The following CDH12 variants were observed in gnomAD, a reference collection of about 807,000 sequenced individuals.
CDH12 encodes the protein cadherin 12, also known as cadherin-12.
Under a neutral mutation model 74.1 loss-of-function variants are expected in CDH12, and 41 were observed. The observed-to-expected ratio is 0.55, with a 90% CI of 0.43 to 0.72. The LOEUF is 0.72. Among genes scored for constraint, CDH12 ranks in the 30% least tolerant of loss-of-function variants. CDH12 has a pLI of 0.00. For missense variants in CDH12, 945 were observed against 977.2 expected (o/e 0.97, Z 0.44); for synonymous variants, 399 against 355.0 (o/e 1.12, Z -1.39).
chr5:21,886,191 T>C (rs2150038864), intron 6 of CDH12, among the ~76,000 whole-genome samples: 1 of 152,164 alleles, frequency 6.6e-6, no homozygotes, highest in Admixed American at 6.5e-5. Context: ...TCTTACTTCT[T>C]TTGTTCTGAT....
chr5:22,565,705 T>A (rs1739251550), intron 1 of CDH12, among the ~76,000 whole-genome samples: 1 of 152,042 alleles, frequency 6.6e-6, no homozygotes, highest in Non-Finnish European at 1.5e-5. Context: ...ATTCAGTGCC[T>A]CAGAGACAGT....
intron 6 of CDH12, among the ~76,000 whole-genome samples, chr5:21,965,148 T>C (rs1284799174): frequency 1.3e-5 from 2 of 152,000 alleles, no homozygotes; most frequent in African/African-American, 2.4e-5. Context: ...CTTTCAGAAA[T>C]AGTAATTATA....
At chr5:21,956,343 T>G (rs1370994603) in intron 6 of CDH12, among the ~76,000 whole-genome samples, 4 of 152,122 alleles carry the variant, frequency 2.6e-5, no homozygotes, top group African/African-American at 9.6e-5. Context: ...TTAAAATTAA[T>G]AAACTGGAAA....
At position 22,116,862 on chromosome 5, in the gene CDH12, C is replaced by G. The variant is rs1399250771; in HGVS notation, c.-186-38000G>C. Among the ~76,000 whole-genome samples the G allele has an allele frequency of 2.5e-4, 25 of 98,642 alleles. No homozygotes were observed. The Admixed American group carries it at 2.9e-3, about 11-fold the overall frequency. The allele number at this position is 98,642 out of a possible 152,430, so 64.7% of individuals were successfully genotyped here. ...CAGCTAGGCTGGAGCATCTGCAAGT[C>G]TCTTTTTTTTTTTTTTTTTTTTTTT... On this transcript the variant is annotated intron_variant, in intron 4 of 14. Transcript: ENST00000382254.
At position 21,854,745 on chromosome 5, in the gene CDH12, G is replaced by C. The variant is rs1372098375; in HGVS notation, c.572C>G (p.Thr191Ser). 1 of 1,609,050 alleles carries C rather than the reference G, an allele frequency of 6.2e-7. No individual in the cohort carries two copies. The highest frequency in any genetic ancestry group is 1.1e-5 in the South Asian group (1 of 90,774). Residue 191 changes from threonine to serine, a missense_variant, in exon 7 of 15, where the codon ACC becomes AGC. Transcript: ENST00000382254. Reference sequence around the variant, plus strand: ...AACGACTCTGGCACTGTTTCCATAGGTCGGGTCATCTGCATCTGTGGCCTT... The same window carrying C: ...AACGACTCTGGCACTGTTTCCATAGCTCGGGTCATCTGCATCTGTGGCCTT... ...QVKATDADDP[T>S]YGNSARVVYS...
intron 1 of CDH12, among the ~76,000 whole-genome samples, chr5:22,658,319 G>A (rs769334256): frequency 6.6e-6 from 1 of 152,028 alleles, no homozygotes; most frequent in East Asian, 1.9e-4. Context: ...TGTAAATTAG[G>A]TGTTTTGAAC....
At chr5:22,666,567 G>A (rs1740636467) in intron 1 of CDH12, among the ~76,000 whole-genome samples, 1 of 152,030 alleles carries the variant, frequency 6.6e-6, no homozygotes, top group Non-Finnish European at 1.5e-5. Flanking sequence ...TGGGATTACA[G>A]GCTTGAGCCA....
intron 4 of CDH12, among the ~76,000 whole-genome samples, chr5:22,189,673 G>T (rs1045933020): frequency 5.9e-5 from 9 of 152,150 alleles, no homozygotes; most frequent in African/African-American, 2.2e-4. Context: ...TTAAAAATTT[G>T]CAGCTAGCCC....
At chr5:22,439,512 G>A (rs1744537607) in intron 2 of CDH12, among the ~76,000 whole-genome samples, 1 of 152,078 alleles carries the variant, frequency 6.6e-6, no homozygotes, top group Non-Finnish European at 1.5e-5. Flanking sequence ...GAGTTTAATA[G>A]AGGCAATATA....
chr5:21,925,153 T>A (rs1754530916), intron 6 of CDH12, among the ~76,000 whole-genome samples: 1 of 152,226 alleles, frequency 6.6e-6, no homozygotes, highest in African/African-American at 2.4e-5. Context: ...TGAGGCTAGA[T>A]CCACATTGCT....
chr5:22,675,409 A>G (rs1741113548), intron 1 of CDH12, among the ~76,000 whole-genome samples: 1 of 152,184 alleles, frequency 6.6e-6, no homozygotes, highest in Admixed American at 6.5e-5. Flanking sequence ...GATGTATGGA[A>G]ATGCCTGAAT....
chr5:21,850,182 T>C (rs771834201), intron 7 of CDH12, among the ~76,000 whole-genome samples: 6 of 151,488 alleles, frequency 4.0e-5, no homozygotes, highest in Non-Finnish European at 8.9e-5. Flanking sequence ...GGTCAAAGGA[T>C]ACAAAATAGC....
At chr5:21,858,939 T>C (rs964289340) in intron 6 of CDH12, among the ~76,000 whole-genome samples, 13 of 151,984 alleles carry the variant, frequency 8.6e-5, no homozygotes, top group Admixed American at 2.6e-4. Context: ...CTGAGCTAAT[T>C]AACTTATGGA....
intron 2 of CDH12, among the ~76,000 whole-genome samples, chr5:22,407,004 CACTT>C (rs143023410): frequency 0.077 from 11,685 of 152,028 alleles, 496 homozygotes; most frequent in South Asian, 0.17. Flanking sequence ...TGGCTATGGT[CACTT>C]ACTTAATTCT....
chr5:22,559,080 A>C (rs1738932067), intron 1 of CDH12, among the ~76,000 whole-genome samples: 1 of 152,008 alleles, frequency 6.6e-6, no homozygotes, highest in African/African-American at 2.4e-5. Context: ...TAAAGTCCTG[A>C]AGTCCTGGAT....
At chr5:22,534,859 T>C (rs933392492) in intron 1 of CDH12, among the ~76,000 whole-genome samples, 2 of 151,396 alleles carry the variant, frequency 1.3e-5, no homozygotes, top group Non-Finnish European at 2.9e-5. Flanking sequence ...TAAATAACCA[T>C]AACATAGTAA....
At chr5:22,754,373 A>G (rs780970613) in intron 1 of CDH12, among the ~76,000 whole-genome samples, 9 of 152,198 alleles carry the variant, frequency 5.9e-5, no homozygotes, top group Admixed American at 1.3e-4. Context: ...CAGAGATAAC[A>G]GGCCAGATGG....
intron 3 of CDH12, among the ~76,000 whole-genome samples, chr5:22,385,578 C>T (rs1741962050): frequency 6.6e-6 from 1 of 152,120 alleles, no homozygotes; most frequent in African/African-American, 2.4e-5. Flanking sequence ...GAAATGTAAT[C>T]ATTAAAAGAA....
At chr5:22,555,353 T>C (rs1349658915) in intron 1 of CDH12, among the ~76,000 whole-genome samples, 2 of 152,064 alleles carry the variant, frequency 1.3e-5, no homozygotes, top group Non-Finnish European at 2.9e-5. Flanking sequence ...ATCTTTCTTG[T>C]ATGCTTCATT....
Sources: allele counts gnomAD v4.1 joint callset (sites outside exome capture counted in the v4.1 genomes callset), GRCh38; gene constraint gnomAD v4.1.1; transcripts MANE v1.5; gene names NCBI Gene and HGNC (gene_info 2026-07-23, HGNC 2026-07-21).